SLX4IP: variants seen among roughly 807,000 people sequenced by gnomAD.
SLX4IP encodes the protein SLX4 interacting protein.
SLX4IP carries 34 observed loss-of-function variants against 32.9 expected under a neutral mutation model. The ratio of observed to expected loss-of-function variants is 1.03; its 90% CI spans 0.79 to 1.38. The LOEUF is 1.38. SLX4IP is among the 40% of genes most tolerant of loss of function. The pLI is 0.00. For missense variants in SLX4IP, 444 were observed against 479.0 expected (o/e 0.93, Z 0.68); for synonymous variants, 172 against 171.7 (o/e 1.00, Z -0.01).
chr20:10,546,709 A>G (rs182830473), intron 2 of SLX4IP, among the ~76,000 whole-genome samples: 21 of 152,318 alleles, frequency 1.4e-4, no homozygotes, highest in Admixed American at 7.8e-4. Flanking sequence ...TGTGTCTCAG[A>G]GCCACTGAGG....
At chr20:10,576,899 G>C (rs1039657944) in intron 4 of SLX4IP, among the ~76,000 whole-genome samples, 1 of 152,160 alleles carries the variant, frequency 6.6e-6, no homozygotes, top group African/African-American at 2.4e-5. Flanking sequence ...TGGAAGTGTA[G>C]TGTTTTGACC....
In SLX4IP at chr20:10,571,544, C is replaced by G. The variant is rs142748066; in HGVS notation, c.238+10724C>G. 4.6e-5 allele frequency among the ~76,000 whole-genome samples: 7 copies of G among 152,260 alleles called. No homozygotes were observed. In the East Asian group the frequency reaches 5.8e-4, roughly 13 times the overall value. The stretch of plus-strand genomic sequence containing the variant: ...CTCAGGTATCACCTCCTCCAAGGAG[C>G]CTTATCTGATTCTGTGTAGCTTCTC... On this transcript the variant is annotated intron_variant, in intron 4 of 7. Coordinates refer to ENST00000334534, the MANE Select transcript of SLX4IP (RefSeq NM_001009608.3).
intron 2 of SLX4IP, among the ~76,000 whole-genome samples, chr20:10,474,891 T>G (rs1176858856): frequency 1.3e-5 from 2 of 152,238 alleles, no homozygotes; most frequent in Non-Finnish European, 2.9e-5. Context: ...TGGAAGCATT[T>G]GCTTTTCCTC....
chr20:10,555,137 A>T (rs2066254061), intron 2 of SLX4IP, among the ~76,000 whole-genome samples: 1 of 151,586 alleles, frequency 6.6e-6, no homozygotes, highest in Non-Finnish European at 1.5e-5. Context: ...TTTACATCTG[A>T]TGGTCTAACC....
intron 4 of SLX4IP, among the ~76,000 whole-genome samples, chr20:10,593,898 G>A (rs905215900): frequency 2.0e-5 from 3 of 152,150 alleles, no homozygotes; most frequent in Admixed American, 6.5e-5. Context: ...GGTTGGATCC[G>A]ATTCAAAGGA....
intron 6 of SLX4IP, among the ~76,000 whole-genome samples, chr20:10,604,655 G>A (rs931592354): frequency 2.0e-5 from 3 of 152,252 alleles, no homozygotes; most frequent in Non-Finnish European, 2.9e-5. Flanking sequence ...GCGCCAGGGA[G>A]GTCTGTCCCT....
At chr20:10,503,920 C>T (rs2122417734) in intron 2 of SLX4IP, among the ~76,000 whole-genome samples, 1 of 151,714 alleles carries the variant, frequency 6.6e-6, no homozygotes, top group South Asian at 2.1e-4. Flanking sequence ...AAAGATCTAC[C>T]CTAATGAGCT....
chr20:10,560,443 A>G (rs892556516), intron 3 of SLX4IP, among the ~76,000 whole-genome samples: 2 of 152,220 alleles, frequency 1.3e-5, no homozygotes, highest in African/African-American at 4.8e-5. Flanking sequence ...TCTTTTAGAA[A>G]TATGAAACTG....
chr20:10,535,710 G>C (rs984651711), intron 2 of SLX4IP, among the ~76,000 whole-genome samples: 8 of 152,168 alleles, frequency 5.3e-5, no homozygotes, highest in African/African-American at 1.9e-4. Flanking sequence ...AACCAGGAGA[G>C]AATAATGGAA....
At chr20:10,588,686 T>C (rs1200559090) in intron 4 of SLX4IP, among the ~76,000 whole-genome samples, 1 of 152,168 alleles carries the variant, frequency 6.6e-6, no homozygotes, top group African/African-American at 2.4e-5. Flanking sequence ...CTCACTTGTA[T>C]GTAGAATCTA....
At chr20:10,457,846 T>C (rs905924091) in intron 1 of SLX4IP, among the ~76,000 whole-genome samples, 6 of 152,096 alleles carry the variant, frequency 3.9e-5, no homozygotes, top group African/African-American at 1.4e-4. Context: ...CTCTCTTTTT[T>C]TTTTTTCTTT....
rs60818810 is a variant in SLX4IP, at chr20:10,481,082, CTT to C, written c.27+22863_27+22864del. On this transcript the variant is annotated intron_variant, in intron 2 of 7. Coordinates refer to ENST00000334534, the MANE Select transcript of SLX4IP (RefSeq NM_001009608.3). ...CTCTCAGTGTGGAATATTCTTACAA[CTT>C]TTTTTTTTTTTAAATTTTGATATGT... Among the ~76,000 whole-genome samples, 123 of 148,606 alleles carry C rather than the reference CTT, an allele frequency of 8.3e-4. 1 individual carries two copies. Among genetic ancestry groups the C allele is most frequent in the Admixed American group, 8.7e-4 (13 of 14,922 alleles).
chr20:10,438,192 C>T (rs995421832), intron 1 of SLX4IP, among the ~76,000 whole-genome samples: 95 of 150,648 alleles, frequency 6.3e-4, no homozygotes, highest in African/African-American at 2.1e-3. Context: ...GATATAAACA[C>T]AATATACCAG....
At chr20:10,621,804 A>G (rs1331194676) in intron 7 of SLX4IP, among the ~76,000 whole-genome samples, 3 of 152,300 alleles carry the variant, frequency 2.0e-5, no homozygotes, top group Non-Finnish European at 2.9e-5. Context: ...TGAATATTAC[A>G]TGTATTTGTT....
chr20:10,599,410 A>C (rs2066814602), intron 5 of SLX4IP, among the ~76,000 whole-genome samples: 1 of 152,100 alleles, frequency 6.6e-6, no homozygotes, highest in Non-Finnish European at 1.5e-5. Flanking sequence ...ACTCTGCTCG[A>C]ATATGTTATT....
intron 1 of SLX4IP, among the ~76,000 whole-genome samples, chr20:10,447,091 C>G (rs755388237): frequency 6.6e-6 from 1 of 152,112 alleles, no homozygotes; most frequent in African/African-American, 2.4e-5. Flanking sequence ...TGTATGAGAT[C>G]GAGTCCAATT....
At chr20:10,620,359 T>C (rs2067093694) in intron 6 of SLX4IP, among the ~76,000 whole-genome samples, 1 of 152,190 alleles carries the variant, frequency 6.6e-6, no homozygotes, top group South Asian at 2.1e-4. Context: ...ATTTTATAAT[T>C]ACTTCCTTAT....
chr20:10,466,514 A>G (rs969235955), intron 2 of SLX4IP, among the ~76,000 whole-genome samples: 13 of 152,080 alleles, frequency 8.5e-5, no homozygotes, highest in African/African-American at 3.1e-4. Flanking sequence ...ATTAGAAGGG[A>G]TTCCTGGCTT....
rs74596214 is a variant in SLX4IP at position 10,575,015 on chromosome 20, C to T, written c.238+14195C>T. On this transcript the variant is annotated intron_variant, in intron 4 of 7. Transcript: ENST00000334534. ...TGAGTTGTTCCAGTTAGCTCAGAGCCCTGCCCTCTCATTAGCTCCATGAAG... is the reference window on the plus strand; with the variant it reads ...TGAGTTGTTCCAGTTAGCTCAGAGCTCTGCCCTCTCATTAGCTCCATGAAG... Among the ~76,000 whole-genome samples, 102 of 152,080 alleles carry T rather than the reference C, an allele frequency of 6.7e-4. 1 individual carries two copies. In the East Asian group the frequency reaches 0.019, roughly 29 times the overall value.
Sources: gnomAD v4.1 joint callset for allele counts (sites outside exome capture counted in the v4.1 genomes callset) on GRCh38, gnomAD v4.1.1 for gene constraint, MANE v1.5 for transcripts, NCBI Gene and HGNC (gene_info 2026-07-23, HGNC 2026-07-21) for gene names.